CDH4: variants seen among roughly 807,000 people sequenced by gnomAD.
CDH4 encodes the protein cadherin-4.
In CDH4, 33 loss-of-function variants were observed where a neutral mutation model predicts 86.0. That is an observed-to-expected ratio of 0.38 (90% CI 0.29 to 0.51). The LOEUF (loss-of-function observed/expected upper bound fraction) is 0.51, where lower values mean the gene tolerates loss of function less well. Ranked by LOEUF, CDH4 falls within the 20% of genes least tolerant of loss-of-function variation. CDH4 has a pLI of 0.86. For synonymous variants in CDH4, 555 were observed against 549.4 expected, an observed-to-expected ratio of 1.01 and a Z score of -0.14; for missense variants, 1,114 against 1,307.4, an observed-to-expected ratio of 0.85 and a Z score of 2.28.
chr20:61,602,701 A>C (rs939639141), intron 2 of CDH4, among the ~76,000 whole-genome samples: 4 of 146,506 alleles, frequency 2.7e-5, no homozygotes, highest in African/African-American at 1.0e-4. Flanking sequence ...TATTAAAAAA[A>C]AAAAAAAAAA....
chr20:61,924,241 C>G (rs946044811), intron 10 of CDH4, 93 bp from the exon 11 acceptor site: 1 of 1,301,508 alleles, frequency 7.7e-7, no homozygotes. Flanking sequence ...GGCCCAGGCC[C>G]AGGCCCTGGA....
intron 2 of CDH4, among the ~76,000 whole-genome samples, chr20:61,422,155 G>A (rs934658331): frequency 9.9e-5 from 15 of 152,086 alleles, no homozygotes; most frequent in Admixed American, 3.3e-4. Flanking sequence ...CACTGGGCAC[G>A]GTGGCTCACG....
chr20:61,576,113 G>T (rs919063793), intron 2 of CDH4, among the ~76,000 whole-genome samples: 4 of 152,192 alleles, frequency 2.6e-5, no homozygotes, highest in Admixed American at 6.5e-5. Flanking sequence ...ACGCAGTGTG[G>T]GCTCCGAATC....
At position 61,754,670 on chromosome 20, in the gene CDH4, C is replaced by T. The variant is rs972590207; in HGVS notation, c.396+10881C>T. On this transcript the variant is annotated intron_variant, in intron 3 of 15. Coordinates refer to ENST00000614565, the MANE Select transcript of CDH4 (RefSeq NM_001794.5). The surrounding 1 kb of genome is among the most constrained non-coding windows in gnomAD (Gnocchi z 4.7). The stretch of plus-strand genomic sequence containing the variant: ...ACACACCACACGCACACACGCCCCG[C>T]ACACACTATGCACACCACACACACA... Among the ~76,000 whole-genome samples, 1 of 145,620 alleles carries T rather than the reference C, an allele frequency of 6.9e-6. No homozygotes were observed. Among genetic ancestry groups the T allele is most frequent in the Non-Finnish European group, 1.5e-5 (1 of 66,234 alleles).
chr20:61,869,223 A>G (rs6061874), intron 6 of CDH4, among the ~76,000 whole-genome samples: 78,806 of 152,080 alleles, frequency 0.52, 22,097 homozygotes, highest in Non-Finnish European at 0.63. Flanking sequence ...TTAAAAACCA[A>G]TGTTGTCCCT....
chr20:61,606,076 C>A (rs2145752856), intron 2 of CDH4, among the ~76,000 whole-genome samples: 1 of 152,198 alleles, frequency 6.6e-6, no homozygotes, highest in African/African-American at 2.4e-5. Flanking sequence ...TGCCTTGGAG[C>A]CAGGGCTGCC....
At position 61,684,620 on chromosome 20, in the gene CDH4, T is replaced by C. The variant is rs959926300; in HGVS notation, c.170-58943T>C. Among the ~76,000 whole-genome samples the C allele has an allele frequency of 6.6e-6, 1 of 152,174 alleles. No homozygotes were observed. Among genetic ancestry groups the C allele is most frequent in the Admixed American group, 6.5e-5 (1 of 15,286 alleles). On this transcript the variant is annotated intron_variant, in intron 2 of 15. Transcript: ENST00000614565. The surrounding 1 kb of genome is among the most constrained non-coding windows in gnomAD (Gnocchi z 4.5). ...GCTCCTGGGGGTTCAGTCTCTAACC[T>C]GCTCTTTAAAATTTTAGGGCTTTCT...
At chr20:61,313,116 C>T (rs1022588928) in intron 2 of CDH4, among the ~76,000 whole-genome samples, 5 of 152,250 alleles carry the variant, frequency 3.3e-5, no homozygotes, top group African/African-American at 4.8e-5. Context: ...TCTGCTCCAA[C>T]GTGACTGTGC....
rs78404122 is a variant in CDH4 at position 61,397,199 on chromosome 20, C to T, written c.169+142262C>T. On this transcript the variant is annotated intron_variant, in intron 2 of 15. Coordinates refer to ENST00000614565, the MANE Select transcript of CDH4 (RefSeq NM_001794.5). The stretch of plus-strand genomic sequence containing the variant: ...TGCTGGGATTACAGGTGTGCACCAC[C>T]GCAACTGGCCTTCATAAAAATATTT... 8.2e-3 allele frequency among the ~76,000 whole-genome samples: 1,246 copies of T among 152,252 alleles called. 14 individuals are homozygous for T. Among genetic ancestry groups the T allele is most frequent in the African/African-American group, 0.028 (1,158 of 41,526 alleles).
intron 2 of CDH4, among the ~76,000 whole-genome samples, chr20:61,571,490 G>A (rs908923284): frequency 5.9e-5 from 9 of 152,126 alleles, no homozygotes; most frequent in Non-Finnish European, 1.2e-4. Context: ...ATCAGAGCAC[G>A]GCAGGTGCCC....
Position 61,890,832 on chromosome 20 carries a change from C to T in CDH4, c.1051-4078C>T, listed in dbSNP as rs914288323. On this transcript the variant is annotated intron_variant, in intron 7 of 15. Transcript: ENST00000614565. ...TTAACTTGGTTCCCTCAACAGACAC[C>T]GATTACCTACTGTGTGCCAGGTCTG... Among the ~76,000 whole-genome samples the T allele has an allele frequency of 3.3e-5, 5 of 152,024 alleles. No homozygotes were observed. The South Asian group carries it at 6.2e-4, about 19-fold the overall frequency.
At chr20:61,839,298 G>A (rs1982027407) in intron 4 of CDH4, among the ~76,000 whole-genome samples, 1 of 152,014 alleles carries the variant, frequency 6.6e-6, no homozygotes, top group South Asian at 2.1e-4. Context: ...GGGAGTGTGT[G>A]TGTGTATTGT....
intron 8 of CDH4, among the ~76,000 whole-genome samples, chr20:61,899,383 T>C (rs1019900072): frequency 1.3e-5 from 2 of 152,114 alleles, no homozygotes; most frequent in African/African-American, 4.8e-5. Context: ...ATGTCTTTTG[T>C]GAATGATCTA....
chr20:61,562,831 C>T (rs1044986476), intron 2 of CDH4, among the ~76,000 whole-genome samples: 2 of 152,252 alleles, frequency 1.3e-5, no homozygotes, highest in African/African-American at 4.8e-5. Flanking sequence ...CACACATTGC[C>T]AGATGCACAC....
intron 4 of CDH4, among the ~76,000 whole-genome samples, chr20:61,787,999 A>G (rs1978972612): frequency 6.6e-6 from 1 of 152,192 alleles, no homozygotes; most frequent in East Asian, 1.9e-4. Flanking sequence ...TCTGAAACCC[A>G]AAGAGTGATG....
intron 2 of CDH4, among the ~76,000 whole-genome samples, chr20:61,502,761 A>G (rs2085713733): frequency 6.6e-6 from 1 of 152,214 alleles, no homozygotes; most frequent in Non-Finnish European, 1.5e-5. Context: ...TGTTACTGGC[A>G]GAAATTACTC....
At position 61,703,570 on chromosome 20, in the gene CDH4, C is replaced by A. The variant is rs568260580; in HGVS notation, c.170-39993C>A. Among the ~76,000 whole-genome samples, 1 of 152,322 alleles carries A rather than the reference C, an allele frequency of 6.6e-6. No homozygotes were observed. Among genetic ancestry groups the A allele is most frequent in the East Asian group, 1.9e-4 (1 of 5,184 alleles). On this transcript the variant is annotated intron_variant, in intron 2 of 15. Transcript: ENST00000614565. This position sits in a 1 kb window ranked among gnomAD's most constrained non-coding sequence, Gnocchi z 4.3. ...TGTGGGGATCAAAGCTCCTCGTCCC[C>A]AGCTTGTGTCCCTTCCCCGTCGCAC...
chr20:61,894,343 G>C (rs1255078263), intron 7 of CDH4, among the ~76,000 whole-genome samples: 1 of 152,174 alleles, frequency 6.6e-6, no homozygotes, highest in African/African-American at 2.4e-5. Context: ...GCTCACACCT[G>C]CGCCTGCACG....
At chr20:61,616,939 AG>A (rs1196246940) in intron 2 of CDH4, among the ~76,000 whole-genome samples, 12 of 150,700 alleles carry the variant, frequency 8.0e-5, no homozygotes, top group Middle Eastern at 3.4e-3. Flanking sequence ...TGCTGGGTGG[AG>A]GGGGGTGACT....
Sources: gnomAD v4.1 joint callset for allele counts (sites outside exome capture counted in the v4.1 genomes callset) on GRCh38, gnomAD v4.1.1 for gene constraint, Gnocchi (gnomAD v3.1) non-coding constraint, MANE v1.5 for transcripts, NCBI Gene and HGNC (gene_info 2026-07-23, HGNC 2026-07-21) for gene names.